Variants in CHRNB1 observed in about 807,000 individuals in gnomAD.
CHRNB1 encodes acetylcholine receptor subunit beta.
In CHRNB1, 47 loss-of-function variants were observed where a neutral mutation model predicts 53.8. The ratio of observed to expected loss-of-function variants is 0.87; its 90% CI spans 0.69 to 1.11. The LOEUF (loss-of-function observed/expected upper bound fraction) is 1.11. Among genes scored for constraint, CHRNB1 ranks in the 50% most tolerant of loss-of-function variants. The pLI, the probability that CHRNB1 is intolerant of heterozygous loss-of-function variation, is 0.00. For missense variants in CHRNB1, 605 were observed against 654.9 expected, an observed-to-expected ratio of 0.92 and a Z score of 0.83; for synonymous variants, 259 against 263.5, an observed-to-expected ratio of 0.98 and a Z score of 0.16.
intron 7 of CHRNB1, among the ~76,000 whole-genome samples, chr17:7,451,621 C>T (rs1454008883): frequency 6.6e-6 from 1 of 152,042 alleles, no homozygotes; most frequent in Non-Finnish European, 1.5e-5. Flanking sequence ...CACCAAGAGC[C>T]CAGGAAGGCC....
chr17:7,455,358 C>T lies in CHRNB1; in HGVS notation c.1119C>T (p.Pro373=). 1.2e-6 allele frequency: 2 copies of T among 1,614,128 alleles called. No homozygotes were observed. Among genetic ancestry groups the T allele is most frequent in the Non-Finnish European group, 8.5e-7 (1 of 1,180,028 alleles). ...CCGAGAGAGACCTGATGCCGGAGCCCCCTCACTGTTCTTCTCCAGGAAGTG... is the reference window on the plus strand; with the variant it reads ...CCGAGAGAGACCTGATGCCGGAGCCTCCTCACTGTTCTTCTCCAGGAAGTG... ...PKPERDLMPE[P]PHCSSPGSGW... The change falls in exon 9 of 11, where the codon CCC becomes CCT. Residue 373 remains proline (P), a synonymous_variant. Coordinates refer to ENST00000306071, the MANE Select transcript of CHRNB1 (RefSeq NM_000747.3).
rs1908654291 is a variant in CHRNB1, at chr17:7,446,864, C to T, written c.275C>T (p.Pro92Leu). ...EWTDYRLSWDPAEHDGIDSLR... is the reference protein window; with the variant it reads ...EWTDYRLSWDLAEHDGIDSLR... ...ACTGACTACAGGCTGAGCTGGGACC[C>T]TGCGGAGCACGACGGCATCGATTCG... is the stretch of plus-strand genomic sequence containing the variant. The change falls in exon 4 of 11, where the codon CCT becomes CTT. Residue 92 changes from proline to leucine, a missense_variant. Pro to Leu is a moderately conservative substitution (Grantham distance 98). Transcript: ENST00000306071. 1.9e-6 allele frequency: 3 copies of T among 1,614,024 alleles called. No homozygotes were observed. The highest frequency in any genetic ancestry group is 2.5e-6 in the Non-Finnish European group (3 of 1,180,008).
rs1177961026 is a variant in CHRNB1 at position 7,445,521 on chromosome 17, T to A, written c.198+112T>A. On this transcript the variant is annotated intron_variant, in intron 2 of 10. Transcript: ENST00000306071. The surrounding 1 kb of genome is among the most constrained non-coding windows in gnomAD (Gnocchi z 5.7). ...GGCGGGGCCTGGGACGAGACCAGGC[T>A]GAGATGGACCAGCCTTTGGTGAAGA... is the stretch of plus-strand genomic sequence containing the variant. The A allele has an allele frequency of 7.8e-6, 12 of 1,536,492 alleles. No homozygotes were observed. Among genetic ancestry groups the A allele is most frequent in the African/African-American group, 2.7e-5 (2 of 73,456 alleles).
intron 7 of CHRNB1, 87 bp downstream of exon 7, chr17:7,448,875 A>T: frequency 5.7e-6 from 8 of 1,397,678 alleles, no homozygotes; most frequent in Non-Finnish European, 8.1e-6. Flanking sequence ...TTTCCTGCCA[A>T]TCCAAAGCAT....
chr17:7,446,200 ATCATGAC>A, intron 3 of CHRNB1, 87 bp downstream of exon 3: 4 of 1,174,886 alleles, frequency 3.4e-6, no homozygotes, highest in Non-Finnish European at 5.1e-6. Flanking sequence ...TATTTTTTAC[ATCATGAC>A]TTTAGATAAC....
intron 3 of CHRNB1, chr17:7,446,441 G>C (rs1391816800): frequency 1.9e-6 from 1 of 526,618 alleles, no homozygotes; most frequent in African/African-American, 1.9e-5. Context: ...CCAGCCTCGG[G>C]GGGAACCTCC....
At chr17:7,446,777 C>T (rs1567677037) in intron 3 of CHRNB1, 56 bp from the exon 4 acceptor site, 4 of 1,426,270 alleles carry the variant, frequency 2.8e-6, no homozygotes, top group Non-Finnish European at 3.0e-6. Context: ...CTTTGGAAAT[C>T]CCAAGTCCCT....
Position 7,445,632 on chromosome 17 carries a change from C to A in CHRNB1, c.198+223C>A. 1 of 1,437,358 alleles carries A rather than the reference C, an allele frequency of 7.0e-7. No homozygotes were observed. Among genetic ancestry groups the A allele is most frequent in the Middle Eastern group, 2.6e-4 (1 of 3,916 alleles). The allele number at this position is 1,437,358 out of a possible 1,614,324, so 89.0% of individuals were successfully genotyped here. A position where few individuals can be genotyped will look rare whatever the true frequency, so the allele number is the denominator to read the frequency against. On this transcript the variant is annotated intron_variant, in intron 2 of 10. Transcript: ENST00000306071. The surrounding 1 kb of genome is among the most constrained non-coding windows in gnomAD (Gnocchi z 5.7). ...AGAACTGGGTAGGGTGAAGGACGGACCTGTGATCGGACCTTAAAGTGGGGC... is the reference window on the plus strand; with the variant it reads ...AGAACTGGGTAGGGTGAAGGACGGAACTGTGATCGGACCTTAAAGTGGGGC...
At chr17:7,446,963 C>A in intron 4 of CHRNB1, 21 bp downstream of exon 4, 1 of 783,186 alleles carries the variant, frequency 1.3e-6, no homozygotes, top group African/African-American at 1.8e-5. Flanking sequence ...TTCCAAAGCC[C>A]GGGAGGTGGC....
At position 7,445,562 on chromosome 17, in the gene CHRNB1, A is replaced by C. The variant is rs1908572336; in HGVS notation, c.198+153A>C. The C allele has an allele frequency of 2.0e-6, 3 of 1,498,714 alleles. No homozygotes were observed. In the Admixed American group the frequency reaches 6.1e-5, roughly 31 times the overall value. The allele number at this position is 1,498,714 out of a possible 1,614,324, so 92.8% of individuals were successfully genotyped here. A position where few individuals can be genotyped will look rare whatever the true frequency, so the allele number is the denominator to read the frequency against. On this transcript the variant is annotated intron_variant, in intron 2 of 10. Transcript: ENST00000306071. This position sits in a 1 kb window ranked among gnomAD's most constrained non-coding sequence, Gnocchi z 5.7. ...TTGGTGAAGATTGGATCGAAATCAG[A>C]CCAATGGACAAGCTCTGGCCGTGGG...
chr17:7,446,634 C>A, intron 3 of CHRNB1, 199 bp from the exon 4 acceptor site: 1 of 601,354 alleles, frequency 1.7e-6, no homozygotes, highest in Non-Finnish European at 3.0e-6. Context: ...TATTGAAACC[C>A]GGTGCGGGGG....
chr17:7,446,611 T>G (rs1308631214), intron 3 of CHRNB1: 1 of 592,624 alleles, frequency 1.7e-6, no homozygotes, highest in Non-Finnish European at 3.0e-6. Flanking sequence ...CTCCTCATTT[T>G]TACAGAGTAA....
rs1333395117 is a variant in CHRNB1, at chr17:7,456,783, T to C, written c.*60T>C. 6.2e-7 allele frequency: 1 copy of C among 1,604,510 alleles called. No individual in the cohort carries two copies. The highest frequency in any genetic ancestry group is 1.3e-5 in the African/African-American group (1 of 74,718). On this transcript the variant is annotated 3_prime_UTR_variant, in exon 11 of 11. Transcript: ENST00000306071. ...TTGAAGTGAGAGTTTGGTGATACTGTCAAGCCCTATCCTTCTCTGCCTCTT... is the reference window on the plus strand; with the variant it reads ...TTGAAGTGAGAGTTTGGTGATACTGCCAAGCCCTATCCTTCTCTGCCTCTT...
At chr17:7,451,269 C>CTTTTTTTTTTTTTTTTT (rs1370012289) in intron 7 of CHRNB1, among the ~76,000 whole-genome samples, 1 of 123,994 alleles carries the variant, frequency 8.1e-6, no homozygotes, top group African/African-American at 3.2e-5. Flanking sequence ...CTTTTCTTTT[C>CTTTTTTTTTTTTTTTTT]TTTTCTTTTT....
At position 7,445,165 on chromosome 17, in the gene CHRNB1, T is replaced by TG; in HGVS notation, c.43dup (p.Ala15GlyfsTer25). ...GCTCTGCTGATGCTGCTGGGGGCGC[T>TG]GGGGGCGCCGCTCGCCCCAGGTAAG... On this transcript the variant is annotated frameshift_variant, in exon 1 of 11. Coordinates refer to ENST00000306071, the MANE Select transcript of CHRNB1 (RefSeq NM_000747.3). LOFTEE classifies it high-confidence loss of function. This position sits in a 1 kb window ranked among gnomAD's most constrained non-coding sequence, Gnocchi z 5.7. 5.0e-6 allele frequency: 8 copies of TG among 1,609,356 alleles called. No individual in the cohort carries two copies. Among genetic ancestry groups the TG allele is most frequent in the Non-Finnish European group, 6.8e-6 (8 of 1,179,350 alleles).
In CHRNB1 at chr17:7,448,635, G is replaced by A. The variant is rs986752899; in HGVS notation, c.667G>A (p.Asp223Asn). 37 of 1,613,938 alleles carry A rather than the reference G, an allele frequency of 2.3e-5. No individual in the cohort carries two copies. The highest frequency in any genetic ancestry group is 6.7e-5 in the Admixed American group (4 of 59,984). Residue 223 changes from aspartate to asparagine, a missense_variant, in exon 7 of 11, where the codon GAT (aspartate) becomes AAT (asparagine). Asp to Asn is a conservative substitution (Grantham distance 23). Coordinates refer to ENST00000306071, the MANE Select transcript of CHRNB1 (RefSeq NM_000747.3). Reference sequence around the variant, plus strand: ...CTCTCGGCTAATCCAGCCTCCAGGCGATCCTAGGGGAGGGAGGGAAGGACA... The same window carrying A: ...CTCTCGGCTAATCCAGCCTCCAGGCAATCCTAGGGGAGGGAGGGAAGGACA... ...KPSRLIQPPGDPRGGREGQRQ... is the reference protein window; with the variant it reads ...KPSRLIQPPGNPRGGREGQRQ...
In CHRNB1 at chr17:7,447,663, G is replaced by T. The variant is rs771837443; in HGVS notation, c.610+13G>T. The T allele has an allele frequency of 9.9e-6, 16 of 1,613,992 alleles. No homozygotes were observed. The Admixed American group carries it at 1.8e-4, about 18-fold the overall frequency. ...GGGACTTTCATTGGTGAGTAGGCAT[G>T]GCTCCTACATCCATGGGCTCTATCA... is the stretch of plus-strand genomic sequence containing the variant. On this transcript the variant is annotated intron_variant, in intron 6 of 10. Coordinates refer to ENST00000306071, the MANE Select transcript of CHRNB1 (RefSeq NM_000747.3).
Position 7,446,000 on chromosome 17 carries a change from T to G in CHRNB1, c.199-69T>G. 7.2e-7 allele frequency: 1 copy of G among 1,396,342 alleles called. No individual in the cohort carries two copies. Among genetic ancestry groups the G allele is most frequent in the Non-Finnish European group, 1.0e-6 (1 of 982,560 alleles). 86.5% of individuals were successfully genotyped at this position (1,396,342 alleles called of 1,614,324 possible). On this transcript the variant is annotated intron_variant, in intron 2 of 10. Coordinates refer to ENST00000306071, the MANE Select transcript of CHRNB1 (RefSeq NM_000747.3). This position sits in a 1 kb window ranked among gnomAD's most constrained non-coding sequence, Gnocchi z 5.7. Reference sequence around the variant, plus strand: ...GGGGCGGCGTTCCCAGGAGAGAGGTTGGCCCCCCGAGCCCCCTCATTTCTC... The same window carrying G: ...GGGGCGGCGTTCCCAGGAGAGAGGTGGGCCCCCCGAGCCCCCTCATTTCTC...
At chr17:7,449,382 C>T (rs1467075198) in intron 7 of CHRNB1, among the ~76,000 whole-genome samples, 4 of 144,920 alleles carry the variant, frequency 2.8e-5, no homozygotes, top group South Asian at 2.2e-4. Context: ...GGATTACAGT[C>T]GTGAGCCACA....
Sources: gnomAD v4.1 joint callset for allele counts (sites outside exome capture counted in the v4.1 genomes callset) on GRCh38, gnomAD v4.1.1 for gene constraint, Gnocchi (gnomAD v3.1) non-coding constraint, MANE v1.5 for transcripts, NCBI Gene and HGNC (gene_info 2026-07-23, HGNC 2026-07-21) for gene names.